Variants in NPEPL1 observed in about 807,000 individuals in gnomAD.
NPEPL1 encodes aminopeptidase like 1, also known as probable aminopeptidase NPEPL1.
NPEPL1 carries 45 observed loss-of-function variants against 52.4 expected under a neutral mutation model. That is an observed-to-expected ratio of 0.86 (90% CI 0.68 to 1.10). NPEPL1 has a LOEUF of 1.10. Among genes scored for constraint, NPEPL1 ranks in the 50% least tolerant of loss-of-function variants. NPEPL1 has a pLI of 0.00. For missense variants in NPEPL1, 696 were observed against 710.9 expected, an observed-to-expected ratio of 0.98 and a Z score of 0.24; for synonymous variants, 360 against 314.7, an observed-to-expected ratio of 1.14 and a Z score of -1.52.
intron 3 of NPEPL1, among the ~76,000 whole-genome samples, chr20:58,698,010 C>T (rs147972544): frequency 4.2e-4 from 64 of 152,342 alleles, no homozygotes; most frequent in Non-Finnish European, 7.8e-4. Flanking sequence ...CCTTCCCCTC[C>T]GTGCCCAGAA....
chr20:58,701,328 T>TTC (rs2084615821), intron 6 of NPEPL1, among the ~76,000 whole-genome samples, 170 bp downstream of exon 6: 1 of 2,868 alleles, frequency 3.5e-4, no homozygotes, highest in Non-Finnish European at 7.2e-4. Flanking sequence ...TGGGGTGGGG[T>TTC]GGGGAGGGGA....
chr20:58,696,695 C>A (rs2084499047), intron 3 of NPEPL1, among the ~76,000 whole-genome samples: 1 of 152,270 alleles, frequency 6.6e-6, no homozygotes, highest in Admixed American at 6.5e-5. Flanking sequence ...TCCTGCGTCA[C>A]TCGCCTTCCA....
intron 3 of NPEPL1, among the ~76,000 whole-genome samples, chr20:58,697,952 T>A (rs1287871317): frequency 6.6e-6 from 1 of 152,224 alleles, no homozygotes; most frequent in East Asian, 1.9e-4. Context: ...ATGTTTTCAG[T>A]TCCTGGGTGG....
At position 58,714,639 on chromosome 20, in the gene NPEPL1, T is replaced by G. The variant is rs752554539; in HGVS notation, c.1382T>G (p.Val461Gly). 1.3e-6 allele frequency: 2 copies of G among 1,595,668 alleles called. No individual in the cohort carries two copies. The highest frequency in any genetic ancestry group is 1.1e-5 in the South Asian group (1 of 88,332). The part of the protein sequence containing the change: ...HIGFDWPGVW[V>G]HLDIAAPVHA... ...GGCTTCGACTGGCCCGGAGTCTGGGTCCACCTGGACATTGCTGCACCGGTG... is the reference window on the plus strand; with the variant it reads ...GGCTTCGACTGGCCCGGAGTCTGGGGCCACCTGGACATTGCTGCACCGGTG... Residue 461 changes from valine to glycine, a missense_variant, in exon 11 of 12, where the codon GTC becomes GGC. Val to Gly is a moderately radical substitution (Grantham distance 109). Coordinates refer to ENST00000356091, the MANE Select transcript of NPEPL1 (RefSeq NM_024663.4).
At chr20:58,691,725 C>CTTTTTT (rs1568844151), upstream of NPEPL1, 3 of 622,216 alleles carry the variant, frequency 4.8e-6, no homozygotes, top group African/African-American at 6.4e-5. Context: ...CATTTTTAGG[C>CTTTTTT]TGGTTATGAA....
At chr20:58,704,121 C>A (rs2084691201) in intron 6 of NPEPL1, 1 of 985,394 alleles carries the variant, frequency 1.0e-6, no homozygotes, top group Middle Eastern at 5.2e-4. Flanking sequence ...AGACCCCAAT[C>A]CTGACCTGAA....
intron 5 of NPEPL1, among the ~76,000 whole-genome samples, chr20:58,700,213 A>G (rs1439088244): frequency 6.6e-5 from 10 of 152,216 alleles, no homozygotes; most frequent in Non-Finnish European, 1.2e-4. Flanking sequence ...CCCAGGAGTG[A>G]TATCTCATCA....
chr20:58,705,516 CA>C (rs748325236), intron 6 of NPEPL1: 3 of 456,300 alleles, frequency 6.6e-6, no homozygotes, highest in South Asian at 4.6e-5. Flanking sequence ...GAAACGAATA[CA>C]GTGGCTCCCG....
intron 3 of NPEPL1, among the ~76,000 whole-genome samples, chr20:58,698,230 A>C (rs2123098833): frequency 6.6e-6 from 1 of 151,646 alleles, no homozygotes; most frequent in East Asian, 2.0e-4. Context: ...GGCCTATGAG[A>C]AGTGCCTCGA....
At chr20:58,698,094 G>T (rs186127574) in intron 3 of NPEPL1, among the ~76,000 whole-genome samples, 195 of 152,374 alleles carry the variant, frequency 1.3e-3, no homozygotes, top group African/African-American at 4.4e-3. Flanking sequence ...AGGGACTTGC[G>T]TGGGACTCAT....
chr20:58,706,482 T>TG (rs1373010173), intron 6 of NPEPL1, among the ~76,000 whole-genome samples: 1 of 152,140 alleles, frequency 6.6e-6, no homozygotes, highest in Non-Finnish European at 1.5e-5. Context: ...GGCCCTGTTC[T>TG]GGGGGGCGAC....
intron 7 of NPEPL1, chr20:58,710,800 GCAAGGGCAGGGCCGTGC>G (rs2084819863): frequency 6.6e-6 from 1 of 152,386 alleles, no homozygotes; most frequent in African/African-American, 2.4e-5. Flanking sequence ...CGTGAGGGCC[GCAAGGGCAGGGCCGTGC>G]CTGTGCTGTC....
chr20:58,693,006 TG>T lies in NPEPL1; in HGVS notation c.108del (p.Trp36Ter). On this transcript the variant is annotated frameshift_variant, in exon 1 of 12. Coordinates refer to ENST00000356091, the MANE Select transcript of NPEPL1 (RefSeq NM_024663.4). LOFTEE classifies it high-confidence loss of function. ...GCTGCACCACCTGCACCGCGTGCCC[TG>T]GAGCCACGTCCGCGGGAAGCTGCAG... ...GQLHHLHRVP[W>X]SHVRGKLQPR... 1 of 1,125,158 alleles carries T rather than the reference TG, an allele frequency of 8.9e-7. No homozygotes were observed. Among genetic ancestry groups the T allele is most frequent in the Non-Finnish European group, 1.1e-6 (1 of 907,324 alleles). 69.7% of individuals were successfully genotyped at this position (1,125,158 alleles called of 1,614,324 possible). A position where few individuals can be genotyped will look rare whatever the true frequency, so the allele number is the denominator to read the frequency against.
At chr20:58,708,437 G>T (rs1278957463) in intron 7 of NPEPL1, among the ~76,000 whole-genome samples, 1 of 151,906 alleles carries the variant, frequency 6.6e-6, no homozygotes, top group Non-Finnish European at 1.5e-5. Flanking sequence ...CTCTGCACGG[G>T]TTTGGAAACG....
chr20:58,709,197 C>G (rs1601128376), intron 7 of NPEPL1, among the ~76,000 whole-genome samples: 1 of 151,664 alleles, frequency 6.6e-6, no homozygotes, highest in South Asian at 2.1e-4. Context: ...ACAAAGATCC[C>G]CCTCCCACAA....
intron 7 of NPEPL1, among the ~76,000 whole-genome samples, chr20:58,708,254 G>GGGA (rs1268906194): frequency 6.6e-5 from 10 of 152,370 alleles, no homozygotes; most frequent in African/African-American, 2.4e-4. Context: ...CTGGCCGTGA[G>GGGA]GGAGGAGGAG....
At chr20:58,703,959 C>T in intron 6 of NPEPL1, 1 of 985,356 alleles carries the variant, frequency 1.0e-6, no homozygotes, top group Non-Finnish European at 1.2e-6. Flanking sequence ...TGTTCTGGCA[C>T]CAGTGAAACA....
chr20:58,692,713 G>C (rs1342654880), upstream of NPEPL1: 9 of 628,318 alleles, frequency 1.4e-5, no homozygotes, highest in Non-Finnish European at 1.4e-5. The surrounding 1 kb of genome is among the most constrained non-coding windows in gnomAD (Gnocchi z 5.7). Context: ...CGGCCTGGCC[G>C]GCGCCCCCTC....
chr20:58,690,256 T>C (rs553329955), upstream of NPEPL1, among the ~76,000 whole-genome samples: 16 of 152,232 alleles, frequency 1.1e-4, no homozygotes, highest in Non-Finnish European at 2.9e-5. Context: ...TCCAATTGAA[T>C]GTGGAATAGG....
Sources: gnomAD v4.1 joint callset for allele counts (sites outside exome capture counted in the v4.1 genomes callset) on GRCh38, gnomAD v4.1.1 for gene constraint, Gnocchi (gnomAD v3.1) non-coding constraint, MANE v1.5 for transcripts, NCBI Gene and HGNC (gene_info 2026-07-23, HGNC 2026-07-21) for gene names.